The following LPIN2 variants were observed in gnomAD, a reference collection of about 807,000 sequenced individuals.
LPIN2 encodes the protein lipin 2.
A neutral mutation model predicts 111.4 loss-of-function variants in LPIN2; 55 were observed. That is an observed-to-expected ratio of 0.49 (90% CI 0.40 to 0.62). The LOEUF is 0.62. Among genes scored for constraint, LPIN2 ranks in the 20% least tolerant of loss-of-function variants. LPIN2 has a pLI of 0.00. For missense variants in LPIN2, 992 were observed against 1,112.1 expected (o/e 0.89, Z 1.54); for synonymous variants, 425 against 414.0 (o/e 1.03, Z -0.32).
chr18:2,924,957 G>A (rs1429003624), intron 14 of LPIN2, among the ~76,000 whole-genome samples: 2 of 152,196 alleles, frequency 1.3e-5, no homozygotes, highest in Non-Finnish European at 2.9e-5. Context: ...ACCTGGCTCA[G>A]CGCTGGGTTA....
intron 4 of LPIN2, chr18:2,950,415 C>T (rs2077516407): frequency 6.5e-6 from 1 of 152,758 alleles, no homozygotes; most frequent in Non-Finnish European, 1.5e-5. Context: ...GCTTCTTGTC[C>T]AGTCGTCACC....
intron 9 of LPIN2, 70 bp downstream of exon 9, chr18:2,931,186 G>A (rs899998680): frequency 6.3e-5 from 95 of 1,515,174 alleles, no homozygotes; most frequent in Middle Eastern, 3.4e-4. Context: ...ATGGCTACAC[G>A]GTAAGTTTTA....
chr18:3,006,174 CTG>C (rs1177999270), intron 1 of LPIN2, among the ~76,000 whole-genome samples: 1 of 152,192 alleles, frequency 6.6e-6, no homozygotes, highest in Non-Finnish European at 1.5e-5. Context: ...AATAAGATAA[CTG>C]TAATAATGAT....
chr18:2,947,777 G>A (rs1403859838), intron 4 of LPIN2, among the ~76,000 whole-genome samples: 3 of 152,192 alleles, frequency 2.0e-5, no homozygotes, highest in African/African-American at 2.4e-5. Context: ...GCAACGCCAC[G>A]TAATTCCTAG....
chr18:2,966,137 A>G (rs2077799274), intron 1 of LPIN2, among the ~76,000 whole-genome samples: 1 of 151,868 alleles, frequency 6.6e-6, no homozygotes, highest in African/African-American at 2.4e-5. Context: ...GGGTTTTGCC[A>G]TGTTGCCCAG....
chr18:2,964,065 T>C (rs1251731427), intron 1 of LPIN2, among the ~76,000 whole-genome samples: 4 of 151,646 alleles, frequency 2.6e-5, no homozygotes, highest in Non-Finnish European at 5.9e-5. Context: ...GCAGATCACT[T>C]GAAGTCAGGA....
rs200721237 is a variant in LPIN2, at chr18:2,926,774, G to A, written c.1742C>T (p.Ala581Val). The A allele has an allele frequency of 6.2e-7, 1 of 1,613,760 alleles. No individual in the cohort carries two copies. Among genetic ancestry groups the A allele is most frequent in the East Asian group, 2.2e-5 (1 of 44,872 alleles). ...LPESKEGKSEAPPASDLPSSS... is the reference protein window; with the variant it reads ...LPESKEGKSEVPPASDLPSSS... Reference sequence around the variant, plus strand: ...GGATGGCAGGTCACTGGCTGGCGGTGCCTCAGATTTTCCCTCCTTGGATTC... The same window carrying A: ...GGATGGCAGGTCACTGGCTGGCGGTACCTCAGATTTTCCCTCCTTGGATTC... The change falls in exon 13 of 20, where the codon GCA becomes GTA. Residue 581 changes from alanine to valine, a missense_variant. Ala to Val is a moderately conservative substitution (Grantham distance 64, BLOSUM62 0). Around this residue, in one of 4 missense-constraint regions of LPIN2, gnomAD observed 709 missense variants for 753.2 expected, o/e 0.94. Transcript: ENST00000677752.
rs1004323733 is a variant in LPIN2 at position 2,937,743 on chromosome 18, G to A, written c.1117C>T (p.Pro373Ser). The A allele has an allele frequency of 2.5e-6, 4 of 1,613,958 alleles. No individual in the cohort carries two copies. The African/African-American group carries it at 4.0e-5, about 16-fold the overall frequency. Residue 373 changes from proline to serine, a missense_variant, in exon 7 of 20, where the codon CCC becomes TCC. By Grantham distance (74) the Pro-to-Ser change is moderately conservative. Transcript: ENST00000677752. ...HLPNAALAEA[P>S]SESKPAAKVD... ...TTAGCTGCCGGTTTGGATTCTGAGG[G>A]CGCCTCCGCTAAGGCTGCGTTGGGA...
At chr18:2,980,065 C>A (rs1336329562) in intron 1 of LPIN2, among the ~76,000 whole-genome samples, 3 of 152,188 alleles carry the variant, frequency 2.0e-5, no homozygotes, top group Admixed American at 6.5e-5. Context: ...GGAAAGGTAT[C>A]ATTTTCAAGC....
chr18:2,954,248 T>C (rs2077577894), intron 3 of LPIN2, among the ~76,000 whole-genome samples: 1 of 152,216 alleles, frequency 6.6e-6, no homozygotes, highest in African/African-American at 2.4e-5. Flanking sequence ...GAAAGTGATG[T>C]GCCTTCCCTT....
At chr18:2,940,759 C>G (rs2077357167) in intron 4 of LPIN2, 47 bp from the exon 5 acceptor site, 2 of 1,163,178 alleles carry the variant, frequency 1.7e-6, no homozygotes, top group Non-Finnish European at 2.6e-6. Context: ...ACATTCTTGT[C>G]AGCTTTAAAA....
chr18:2,929,762 CG>C (rs1455615717), intron 9 of LPIN2, among the ~76,000 whole-genome samples: 1 of 151,980 alleles, frequency 6.6e-6, no homozygotes, highest in Non-Finnish European at 1.5e-5. Flanking sequence ...AAAAATAAGG[CG>C]GGTATGGTGG....
At chr18:2,923,971 T>C in intron 15 of LPIN2, 110 bp from the exon 16 acceptor site, 3 of 860,978 alleles carry the variant, frequency 3.5e-6, no homozygotes, top group Non-Finnish European at 3.9e-6. Context: ...GGGACACTCT[T>C]GAAAGGGGAT....
Position 2,937,821 on chromosome 18 carries a change from C to G in LPIN2, c.1039G>C (p.Glu347Gln). 1 of 1,614,076 alleles carries G rather than the reference C, an allele frequency of 6.2e-7. No individual in the cohort carries two copies. The highest frequency in any genetic ancestry group is 8.5e-7 in the Non-Finnish European group (1 of 1,180,010). ...ATCTGAGTACTCTCAAGAGGAGGTTCGAGAAGCTCTGCCACAGATGTTGGG... is the reference window on the plus strand; with the variant it reads ...ATCTGAGTACTCTCAAGAGGAGGTTGGAGAAGCTCTGCCACAGATGTTGGG... ...SDPTSVAELLEPPLESTQISS... is the reference protein window; with the variant it reads ...SDPTSVAELLQPPLESTQISS... Residue 347 changes from glutamate to glutamine, a missense_variant, in exon 7 of 20, where the codon GAA (glutamate) becomes CAA (glutamine). Glu to Gln is a conservative substitution (Grantham distance 29). This residue lies in a region of LPIN2 where 709 missense variants were observed against 753.2 expected (regional missense o/e 0.94). Coordinates refer to ENST00000677752, the MANE Select transcript of LPIN2 (RefSeq NM_001375808.2).
intron 6 of LPIN2, among the ~76,000 whole-genome samples, chr18:2,939,030 A>G (rs1037955309): frequency 3.9e-5 from 6 of 152,186 alleles, no homozygotes; most frequent in African/African-American, 1.4e-4. Flanking sequence ...GTGTGGTAGC[A>G]CACACCTGCA....
At position 2,920,790 on chromosome 18, in the gene LPIN2, C is replaced by T. The variant is rs2077042032; in HGVS notation, c.2534G>A (p.Gly845Glu). Residue 845 changes from glycine to glutamate, a missense_variant, in exon 19 of 20, where the codon GGA (glycine) becomes GAA (glutamate). Coordinates refer to ENST00000677752, the MANE Select transcript of LPIN2 (RefSeq NM_001375808.2). The part of the protein sequence containing the change: ...KGELIQERTK[G>E]NKSSYHRLSE... ...AGAATGTACTTACGATGACTTGTTT[C>T]CTTTGGTTCTTTCTTGTATTAATTC... 6.2e-7 allele frequency: 1 copy of T among 1,613,834 alleles called. No homozygotes were observed. The highest frequency in any genetic ancestry group is 8.5e-7 in the Non-Finnish European group (1 of 1,179,722).
chr18:2,969,861 AGTTT>A (rs2077876214), intron 1 of LPIN2, among the ~76,000 whole-genome samples: 1 of 152,230 alleles, frequency 6.6e-6, no homozygotes, highest in African/African-American at 2.4e-5. Context: ...AGCCTGATTA[AGTTT>A]GTTATGAAGA....
chr18:2,938,924 C>T (rs1383071715), intron 6 of LPIN2, among the ~76,000 whole-genome samples: 2 of 152,164 alleles, frequency 1.3e-5, no homozygotes, highest in Admixed American at 6.5e-5. Flanking sequence ...GAGGCCAAGG[C>T]AGGAGGATCT....
intron 1 of LPIN2, among the ~76,000 whole-genome samples, chr18:3,006,769 G>A (rs931319882): frequency 1.1e-4 from 17 of 151,962 alleles, no homozygotes; most frequent in East Asian, 3.9e-4. Context: ...CCCGGGAGGC[G>A]GAGCTTGCAG....
Sources: gnomAD v4.1 joint callset for allele counts (sites outside exome capture counted in the v4.1 genomes callset) on GRCh38, gnomAD v4.1.1 for gene constraint, gnomAD v4.1.1 regional missense constraint, MANE v1.5 for transcripts, NCBI Gene and HGNC (gene_info 2026-07-23, HGNC 2026-07-21) for gene names.